FAM83E: variants seen among roughly 807,000 people sequenced by gnomAD.
FAM83E encodes the protein protein FAM83E.
A neutral mutation model predicts 34.3 loss-of-function variants in FAM83E; 29 were observed. The observed-to-expected ratio is 0.85, with a 90% CI of 0.63 to 1.15. The LOEUF is 1.15. Ranked by LOEUF, FAM83E falls within the 50% of genes most tolerant of loss-of-function variation. The pLI is 0.00. For synonymous variants in FAM83E, 312 were observed against 311.6 expected (o/e 1.00, Z -0.01); for missense variants, 697 against 685.0 (o/e 1.02, Z -0.20).
At chr19:48,606,686 A>C in intron 5 of FAM83E, 1 of 450,008 alleles carries the variant, frequency 2.2e-6, no homozygotes, top group Non-Finnish European at 4.1e-6. Flanking sequence ...CCTCTCACCT[A>C]TGACCTCATC....
rs1974087499 is a variant in FAM83E at position 48,613,389 on chromosome 19, GGA to G, written c.-19_-18del. 2 of 1,523,058 alleles carry G rather than the reference GGA, an allele frequency of 1.3e-6. No individual in the cohort carries two copies. The highest frequency in any genetic ancestry group is 1.8e-6 in the Non-Finnish European group (2 of 1,136,454). The allele number at this position is 1,523,058 out of a possible 1,614,324, so 94.3% of individuals were successfully genotyped here. On this transcript the variant is annotated 5_prime_UTR_variant, in exon 3 of 7. The change creates a premature stop within an existing upstream ORF in the 5' untranslated region. Coordinates refer to ENST00000263266, the MANE Select transcript of FAM83E (RefSeq NM_017708.4). ...GGCCGCCATCGGGGTCACTCGGGTG[GGA>G]GGACTGACTGTGAGAGGCTGGGTCC... is the stretch of plus-strand genomic sequence containing the variant.
chr19:48,606,032 G>A (rs934408654), intron 5 of FAM83E, among the ~76,000 whole-genome samples: 2 of 151,794 alleles, frequency 1.3e-5, no homozygotes, highest in Admixed American at 6.6e-5. Context: ...AGTGCCAGGC[G>A]TGGTGTGGTG....
chr19:48,603,740 G>A lies in FAM83E; in HGVS notation c.930C>T (p.Ser310=). Residue 310 remains serine, a synonymous_variant, in exon 6 of 7, where the codon AGC becomes AGT. Coordinates refer to ENST00000263266, the MANE Select transcript of FAM83E (RefSeq NM_017708.4). ...SVIGGLQRGR[S]PHRVSRRRSV... Reference sequence around the variant, plus strand: ...AGCGGCGGCGGGACACGCGGTGCGGGCTGCGGCCCCGCTGCAGGCCACCTA... The same window carrying A: ...AGCGGCGGCGGGACACGCGGTGCGGACTGCGGCCCCGCTGCAGGCCACCTA... 1.3e-6 allele frequency: 2 copies of A among 1,525,348 alleles called. No individual in the cohort carries two copies. Among genetic ancestry groups the A allele is most frequent in the Non-Finnish European group, 1.7e-6 (2 of 1,144,402 alleles). 94.5% of individuals were successfully genotyped at this position (1,525,348 alleles called of 1,614,324 possible).
intron 5 of FAM83E, chr19:48,607,653 G>T (rs1973960010): frequency 4.9e-6 from 2 of 409,676 alleles, no homozygotes; most frequent in Non-Finnish European, 9.0e-6. Context: ...GCACTTTAGA[G>T]TCCATGAAAT....
In FAM83E at chr19:48,613,787, CCAGT is replaced by C; in HGVS notation, c.-419_-416del. The C allele has an allele frequency of 1.0e-6, 1 of 985,414 alleles. No individual in the cohort carries two copies. Among genetic ancestry groups the C allele is most frequent in the Non-Finnish European group, 1.2e-6 (1 of 829,922 alleles). 61.0% of individuals were successfully genotyped at this position (985,414 alleles called of 1,614,324 possible). A position where few individuals can be genotyped will look rare whatever the true frequency, so the allele number is the denominator to read the frequency against. On this transcript the variant is annotated 5_prime_UTR_variant, in exon 3 of 7. Transcript: ENST00000263266. ...CTCCAACCCACCAGTCACACAGTGC[CCAGT>C]CAGACCCTTCAGCTGTCCTGAATTT...
Position 48,613,864 on chromosome 19 carries a change from G to A in FAM83E, c.-492C>T. 1.0e-6 allele frequency: 1 copy of A among 985,366 alleles called. No individual in the cohort carries two copies. Among genetic ancestry groups the A allele is most frequent in the South Asian group, 4.7e-5 (1 of 21,284 alleles). The allele number at this position is 985,366 out of a possible 1,614,324, so 61.0% of individuals were successfully genotyped here. ...TTTCCAGGCGGCAAGCTGCCTGCCT[G>A]TCTCTAATCACCCAAAGGTCCTTAA... On this transcript the variant is annotated 5_prime_UTR_variant, in exon 3 of 7. Transcript: ENST00000263266.
At chr19:48,603,429 C>T in intron 6 of FAM83E, 65 bp downstream of exon 6, 3 of 1,412,064 alleles carry the variant, frequency 2.1e-6, no homozygotes, top group Non-Finnish European at 2.8e-6. Flanking sequence ...CTGGCTTGCA[C>T]CACCCTGGGC....
Position 48,600,657 on chromosome 19 carries a change from T to C in FAM83E, c.*452A>G, listed in dbSNP as rs563676040. Among the ~76,000 whole-genome samples, 10 of 149,000 alleles carry C rather than the reference T, an allele frequency of 6.7e-5. No individual in the cohort carries two copies. The highest frequency in any genetic ancestry group is 2.1e-4 in the South Asian group (1 of 4,692). On this transcript the variant is annotated 3_prime_UTR_variant, in exon 7 of 7. Coordinates refer to ENST00000263266, the MANE Select transcript of FAM83E (RefSeq NM_017708.4). ...CCTTTCTTTTTCTTTTTTCTTTTTT[T>C]TTTTTTTTTAAAGAGATGGCCTCTC...
At position 48,614,602 on chromosome 19, in the gene FAM83E, T is replaced by C; in HGVS notation, c.-1230A>G. ...TTCCAATCCCACCAACCCAGGCCGC[T>C]GCTTCCTCCAGACCACAGCAGGGAG... On this transcript the variant is annotated 5_prime_UTR_variant, in exon 3 of 7. Transcript: ENST00000263266. The C allele has an allele frequency of 1.0e-6, 1 of 986,242 alleles. No homozygotes were observed. Among genetic ancestry groups the C allele is most frequent in the Non-Finnish European group, 1.2e-6 (1 of 830,610 alleles). The allele number at this position is 986,242 out of a possible 1,614,324, so 61.1% of individuals were successfully genotyped here. A position where few individuals can be genotyped will look rare whatever the true frequency, so the allele number is the denominator to read the frequency against.
intron 5 of FAM83E, among the ~76,000 whole-genome samples, chr19:48,604,179 G>C (rs903152926): frequency 6.6e-5 from 10 of 152,036 alleles, no homozygotes; most frequent in African/African-American, 2.2e-4. Flanking sequence ...GGTTGCTTGA[G>C]CCCAGGAGTT....
chr19:48,606,782 C>T (rs1973936095), intron 5 of FAM83E: 2 of 630,192 alleles, frequency 3.2e-6, no homozygotes, highest in African/African-American at 3.7e-5. Context: ...GCCACCCGCT[C>T]ACCTCCATCC....
At chr19:48,611,791 G>A (rs1027315232) in intron 3 of FAM83E, among the ~76,000 whole-genome samples, 1 of 152,172 alleles carries the variant, frequency 6.6e-6, no homozygotes, top group Admixed American at 6.6e-5. Context: ...TTATAACACA[G>A]AACAGCGTCC....
chr19:48,606,633 CAGGTCGGCGGG>C (rs1973933321), intron 5 of FAM83E: 1 of 286,920 alleles, frequency 3.5e-6, no homozygotes, highest in Non-Finnish European at 6.7e-6. Context: ...TGCGCCCCGG[CAGGTCGGCGGG>C]GCAGGCCACC....
chr19:48,606,267 C>T (rs1052894014), intron 5 of FAM83E, among the ~76,000 whole-genome samples: 10 of 152,128 alleles, frequency 6.6e-5, no homozygotes, highest in Admixed American at 5.2e-4. Context: ...GCTGAGATCA[C>T]GCCACTGCAC....
At position 48,613,881 on chromosome 19, in the gene FAM83E, G is replaced by A. The variant is rs1974095461; in HGVS notation, c.-509C>T. On this transcript the variant is annotated 5_prime_UTR_variant, in exon 3 of 7. Transcript: ENST00000263266. Reference sequence around the variant, plus strand: ...GCCTGCCTGTCTCTAATCACCCAAAGGTCCTTAAAGGCACGACAGGTTGCC... The same window carrying A: ...GCCTGCCTGTCTCTAATCACCCAAAAGTCCTTAAAGGCACGACAGGTTGCC... 2 of 985,262 alleles carry A rather than the reference G, an allele frequency of 2.0e-6. No homozygotes were observed. Among genetic ancestry groups the A allele is most frequent in the South Asian group, 4.7e-5 (1 of 21,294 alleles). The allele number at this position is 985,262 out of a possible 1,614,324, so 61.0% of individuals were successfully genotyped here.
In FAM83E at chr19:48,604,136, G is replaced by T. The variant is rs546203839; in HGVS notation, c.759-225C>A. 2.0e-5 allele frequency among the ~76,000 whole-genome samples: 3 copies of T among 152,042 alleles called. No homozygotes were observed. In the East Asian group the frequency reaches 5.8e-4, roughly 30 times the overall value. On this transcript the variant is annotated intron_variant, in intron 5 of 6. Coordinates refer to ENST00000263266, the MANE Select transcript of FAM83E (RefSeq NM_017708.4). Reference sequence around the variant, plus strand: ...CACTTATATAATCAGGGCCAGGTGTGGTGACTCACACTTTGGGAGGCTGAG... The same window carrying T: ...CACTTATATAATCAGGGCCAGGTGTTGTGACTCACACTTTGGGAGGCTGAG...
At position 48,603,794 on chromosome 19, in the gene FAM83E, T is replaced by C. The variant is rs1973878589; in HGVS notation, c.876A>G (p.Pro292=). Residue 292 remains proline (P), a synonymous_variant, in exon 6 of 7, where the codon CCA becomes CCG. Transcript: ENST00000263266. The part of the protein sequence containing the change: ...RTLYAASCPL[P]PAPPQKPSVI... ...CCGAGGGTTTCTGGGGGGGCGCAGG[T>C]GGGAGCGGGCAGGAGGCCGCGTACA... 1 of 1,594,436 alleles carries C rather than the reference T, an allele frequency of 6.3e-7. No homozygotes were observed. Among genetic ancestry groups the C allele is most frequent in the African/African-American group, 1.4e-5 (1 of 72,992 alleles).
intron 5 of FAM83E, chr19:48,607,746 C>CTTT (rs34786444): frequency 4.5e-4 from 69 of 154,446 alleles, no homozygotes; most frequent in Middle Eastern, 3.4e-3. Context: ...TTTTCTTTTC[C>CTTT]TTTTTTTTTT....
intron 5 of FAM83E, among the ~76,000 whole-genome samples, chr19:48,604,148 T>C (rs1973885001): frequency 6.6e-6 from 1 of 151,758 alleles, no homozygotes; most frequent in East Asian, 1.9e-4. Context: ...TGACTCACAC[T>C]TTGGGAGGCT....
Sources: gnomAD v4.1 joint callset for allele counts (sites outside exome capture counted in the v4.1 genomes callset) on GRCh38, gnomAD v4.1.1 for gene constraint, MANE v1.5 for transcripts, NCBI Gene and HGNC (gene_info 2026-07-23, HGNC 2026-07-21) for gene names.